APBA2: variants seen among roughly 807,000 people sequenced by gnomAD.
The protein encoded by APBA2 is amyloid-beta A4 precursor protein-binding family A member 2.
A neutral mutation model predicts 75.0 loss-of-function variants in APBA2; 30 were observed. The observed-to-expected ratio is 0.40, with a 90% confidence interval of 0.30 to 0.54. The LOEUF (loss-of-function observed/expected upper bound fraction) is 0.54. Among genes scored for constraint, APBA2 ranks in the 20% least tolerant of loss-of-function variants. The pLI, the probability that APBA2 is intolerant of heterozygous loss-of-function variation, is 0.49. For synonymous variants in APBA2, 444 were observed against 409.6 expected (o/e 1.08, Z -1.01); for missense variants, 801 against 1,016.1 (o/e 0.79, Z 2.88).
chr15:29,039,733 G>T (rs994642851), intron 3 of APBA2, among the ~76,000 whole-genome samples: 1 of 152,076 alleles, frequency 6.6e-6, no homozygotes, highest in Non-Finnish European at 1.5e-5. Flanking sequence ...CTGATTAATC[G>T]AATGAAGTAA....
intron 2 of APBA2, among the ~76,000 whole-genome samples, chr15:28,969,039 G>A (rs2036890188): frequency 6.6e-6 from 1 of 152,064 alleles, no homozygotes. Flanking sequence ...CGGAAGTCAA[G>A]GCAGGAGGAT....
chr15:28,942,634 G>A (rs930640387), intron 2 of APBA2, among the ~76,000 whole-genome samples: 4 of 152,184 alleles, frequency 2.6e-5, no homozygotes, highest in African/African-American at 7.2e-5. Flanking sequence ...TCCTGCCAGC[G>A]CGGGATCCCC....
At chr15:28,915,412 A>G (rs1340353569) in intron 1 of APBA2, among the ~76,000 whole-genome samples, 4 of 146,266 alleles carry the variant, frequency 2.7e-5, no homozygotes, top group South Asian at 2.2e-4. Flanking sequence ...CATTCACCCT[A>G]TACACACCAC....
At chr15:29,075,040 C>G (rs1330543949) in intron 5 of APBA2, 39 bp downstream of exon 5, 2 of 1,461,854 alleles carry the variant, frequency 1.4e-6, no homozygotes, top group East Asian at 2.3e-5. Flanking sequence ...GGCTGGAACA[C>G]TCATCTAATG....
At chr15:28,901,954 T>TGG (rs2032891538) in intron 1 of APBA2, among the ~76,000 whole-genome samples, 1 of 7,038 alleles carries the variant, frequency 1.4e-4, no homozygotes, top group African/African-American at 5.4e-4. Flanking sequence ...GTTGGGGGTC[T>TGG]GGGGTGGGGG....
rs57446098 is a variant in APBA2, at chr15:29,045,103, C to CTCTCTCTCTCTCTCTCTCTCTCTCTCTT, written c.-40-8742_-40-8741insTCTCTCTCTCTCTCTCTCTCTCTCTCTT. On this transcript the variant is annotated intron_variant, in intron 3 of 14. Coordinates refer to ENST00000683413, the MANE Select transcript of APBA2 (RefSeq NM_001353788.2). ...TCTCTCTCTCTCTCTCTCTCTCTCT[C>CTCTCTCTCTCTCTCTCTCTCTCTCTCTT]GTCTCGCACTGTCACCTGGGCTGGA... Among the ~76,000 whole-genome samples, 5 of 140,286 alleles carry CTCTCTCTCTCTCTCTCTCTCTCTCTCTT rather than the reference C, an allele frequency of 3.6e-5. 1 individual carries two copies. The highest frequency in any genetic ancestry group is 1.4e-4 in the African/African-American group (5 of 36,414). The allele number at this position is 140,286 out of a possible 152,430, so 92.0% of individuals were successfully genotyped here.
chr15:29,056,812 AG>A, intron 4 of APBA2, among the ~76,000 whole-genome samples: 1 of 151,952 alleles, frequency 6.6e-6, no homozygotes, highest in East Asian at 1.9e-4. Flanking sequence ...GCACGTGGGC[AG>A]GGTCTCCACA....
chr15:29,030,074 C>A (rs916932454), intron 3 of APBA2, among the ~76,000 whole-genome samples: 3 of 152,216 alleles, frequency 2.0e-5, no homozygotes, highest in Non-Finnish European at 4.4e-5. Context: ...CTAGGTGCCT[C>A]TGTGGCCTGA....
At chr15:29,001,902 A>T (rs2038867355) in intron 3 of APBA2, among the ~76,000 whole-genome samples, 1 of 152,220 alleles carries the variant, frequency 6.6e-6, no homozygotes, top group Admixed American at 6.5e-5. Flanking sequence ...CCATTTCTGT[A>T]TGTAACTTTT....
chr15:29,117,244 C>G lies in APBA2; in HGVS notation c.*111C>G. The G allele has an allele frequency of 9.9e-7, 1 of 1,007,774 alleles. No individual in the cohort carries two copies. The highest frequency in any genetic ancestry group is 1.5e-6 in the Non-Finnish European group (1 of 645,248). The allele number at this position is 1,007,774 out of a possible 1,614,324, so 62.4% of individuals were successfully genotyped here. ...CCCGACGCCACAGCCCAGCCACGGACGCTGGCTCCCCAAAGGGTGTGCCCT... is the reference window on the plus strand; with the variant it reads ...CCCGACGCCACAGCCCAGCCACGGAGGCTGGCTCCCCAAAGGGTGTGCCCT... On this transcript the variant is annotated 3_prime_UTR_variant, in exon 15 of 15. Transcript: ENST00000683413.
chr15:29,089,773 T>C (rs2043467820), intron 6 of APBA2, among the ~76,000 whole-genome samples: 2 of 152,196 alleles, frequency 1.3e-5, no homozygotes, highest in Admixed American at 6.5e-5. Flanking sequence ...ACTGTGCATA[T>C]GCCTATGTGA....
intron 1 of APBA2, among the ~76,000 whole-genome samples, chr15:28,913,878 G>A (rs2033547769): frequency 6.6e-6 from 1 of 152,200 alleles, no homozygotes; most frequent in Non-Finnish European, 1.5e-5. Flanking sequence ...CTGGGTCAGT[G>A]AGTAGCTTCG....
At chr15:29,106,946 A>AC in intron 12 of APBA2, 127 bp downstream of exon 12, 1 of 843,082 alleles carries the variant, frequency 1.2e-6, no homozygotes, top group African/African-American at 1.7e-5. Context: ...GCCCAGGGAG[A>AC]CCCACCCGGT....
At chr15:29,049,427 A>G (rs1248167150) in intron 3 of APBA2, among the ~76,000 whole-genome samples, 1 of 152,228 alleles carries the variant, frequency 6.6e-6, no homozygotes, top group African/African-American at 2.4e-5. Flanking sequence ...GACCCCTCCC[A>G]TGAAAAGTCT....
intron 3 of APBA2, among the ~76,000 whole-genome samples, chr15:29,012,840 T>C (rs564157842): frequency 6.6e-6 from 1 of 152,348 alleles, no homozygotes; most frequent in African/African-American, 2.4e-5. Flanking sequence ...TGCTTAGGCC[T>C]ATTGCCTCTT....
intron 4 of APBA2, among the ~76,000 whole-genome samples, chr15:29,060,614 C>T (rs2042091372): frequency 6.6e-6 from 1 of 152,058 alleles, no homozygotes; most frequent in Non-Finnish European, 1.5e-5. Flanking sequence ...GGATACGGTG[C>T]CAGTGAGGTG....
At chr15:29,033,217 AAG>A in intron 3 of APBA2, among the ~76,000 whole-genome samples, 1 of 151,748 alleles carries the variant, frequency 6.6e-6, no homozygotes, top group African/African-American at 2.4e-5. Flanking sequence ...AGGGTTAGAC[AAG>A]GCCCACGTCT....
At chr15:28,968,018 G>A (rs1247726668) in intron 2 of APBA2, among the ~76,000 whole-genome samples, 6 of 152,150 alleles carry the variant, frequency 3.9e-5, no homozygotes, top group Non-Finnish European at 8.8e-5. Flanking sequence ...ACTCTTCCAG[G>A]TACCTCACGT....
At chr15:28,923,417 A>G (rs1013466933) in intron 2 of APBA2, among the ~76,000 whole-genome samples, 5 of 152,042 alleles carry the variant, frequency 3.3e-5, no homozygotes, top group African/African-American at 7.2e-5. Flanking sequence ...CCTAACTCTG[A>G]TATATAGAGT....
Sources: gnomAD v4.1 joint callset for allele counts (sites outside exome capture counted in the v4.1 genomes callset) on GRCh38, gnomAD v4.1.1 for gene constraint, MANE v1.5 for transcripts, NCBI Gene and HGNC (gene_info 2026-07-23, HGNC 2026-07-21) for gene names.